Variants in FHIT observed in about 807,000 individuals in gnomAD.
FHIT encodes bis(5'-adenosyl)-triphosphatase.
A neutral mutation model predicts 17.9 loss-of-function variants in FHIT; 19 were observed. That is an observed-to-expected ratio of 1.06 (90% CI 0.74 to 1.56). FHIT has a LOEUF of 1.56. Ranked by LOEUF, FHIT falls within the 40% of genes most tolerant of loss-of-function variation. The pLI is 0.00. For missense variants in FHIT, 248 were observed against 189.2 expected, an observed-to-expected ratio of 1.31 and a Z score of -1.82; for synonymous variants, 81 against 69.7, an observed-to-expected ratio of 1.16 and a Z score of -0.81.
At chr3:59,940,482 G>T (rs1706459912) in intron 7 of FHIT, among the ~76,000 whole-genome samples, 1 of 152,140 alleles carries the variant, frequency 6.6e-6, no homozygotes, top group African/African-American at 2.4e-5. Flanking sequence ...TCCTGGGCAT[G>T]AAGAAACCCT....
chr3:60,936,108 C>T (rs1041595813), intron 3 of FHIT, among the ~76,000 whole-genome samples: 17 of 152,090 alleles, frequency 1.1e-4, no homozygotes, highest in African/African-American at 3.1e-4. Flanking sequence ...AGTCAGGGTC[C>T]CTTGTCCAAA....
chr3:60,500,381 C>T (rs1040036283), intron 5 of FHIT, among the ~76,000 whole-genome samples: 15 of 152,116 alleles, frequency 9.9e-5, no homozygotes, highest in African/African-American at 3.4e-4. Context: ...GAGTTCTGGT[C>T]CATTGTGTGT....
At chr3:60,993,447 C>A (rs569997608) in intron 3 of FHIT, among the ~76,000 whole-genome samples, 3 of 152,310 alleles carry the variant, frequency 2.0e-5, no homozygotes, top group Non-Finnish European at 4.4e-5. Flanking sequence ...CTATACCCAA[C>A]AATGTTATAC....
chr3:60,774,786 G>A (rs946093517), intron 4 of FHIT, among the ~76,000 whole-genome samples: 18 of 152,058 alleles, frequency 1.2e-4, no homozygotes, highest in African/African-American at 4.1e-4. Context: ...TGTCACTAAC[G>A]GGCAAGCAGC....
At chr3:60,105,429 C>G (rs1048410684) in intron 5 of FHIT, among the ~76,000 whole-genome samples, 20 of 152,116 alleles carry the variant, frequency 1.3e-4, no homozygotes, top group Non-Finnish European at 2.1e-4. Flanking sequence ...CAGAGAAACA[C>G]TTTTATTTCT....
At chr3:60,242,816 T>C (rs922334185) in intron 5 of FHIT, among the ~76,000 whole-genome samples, 1 of 151,998 alleles carries the variant, frequency 6.6e-6, no homozygotes, top group Non-Finnish European at 1.5e-5. Flanking sequence ...TTCTTCCTCA[T>C]ACAAACACAT....
chr3:60,906,094 AAAAT>A (rs1454443957), intron 3 of FHIT, among the ~76,000 whole-genome samples: 2 of 152,232 alleles, frequency 1.3e-5, no homozygotes, highest in Non-Finnish European at 2.9e-5. Context: ...ACAGAGGAAA[AAAAT>A]AAATTCAAAT....
At chr3:61,208,880 G>T (rs949320027) in intron 1 of FHIT, among the ~76,000 whole-genome samples, 1 of 151,912 alleles carries the variant, frequency 6.6e-6, no homozygotes, top group Admixed American at 6.6e-5. Context: ...TGGTTATTTC[G>T]CTCATTAGTT....
At chr3:60,072,287 G>C (rs907752896) in intron 5 of FHIT, among the ~76,000 whole-genome samples, 6 of 152,224 alleles carry the variant, frequency 3.9e-5, no homozygotes, top group African/African-American at 1.4e-4. Context: ...ATTTAGAATG[G>C]CTAGGAAAGA....
intron 4 of FHIT, among the ~76,000 whole-genome samples, chr3:60,559,979 A>C (rs2036879775): frequency 6.6e-6 from 1 of 152,142 alleles, no homozygotes; most frequent in African/African-American, 2.4e-5. Flanking sequence ...CAGAGCCCTA[A>C]GTTTAAACAA....
intron 4 of FHIT, among the ~76,000 whole-genome samples, chr3:60,629,015 A>C (rs2039369990): frequency 6.6e-6 from 1 of 152,102 alleles, no homozygotes; most frequent in Non-Finnish European, 1.5e-5. Context: ...CTGGGGCCTC[A>C]ATATTCTCAG....
At chr3:60,012,320 G>A (rs994705963) in intron 6 of FHIT, among the ~76,000 whole-genome samples, 1 of 145,760 alleles carries the variant, frequency 6.9e-6, no homozygotes, top group African/African-American at 2.6e-5. Flanking sequence ...CCAGGCCAGA[G>A]TATGGTGGCA....
chr3:60,806,506 T>C (rs12630519), intron 4 of FHIT, among the ~76,000 whole-genome samples: 39,492 of 152,194 alleles, frequency 0.26, 5,801 homozygotes, highest in Middle Eastern at 0.33. Context: ...ACACTATTTG[T>C]ACTGATTTGA....
chr3:61,133,525 C>T (rs1246402300), intron 2 of FHIT, among the ~76,000 whole-genome samples: 1 of 152,110 alleles, frequency 6.6e-6, no homozygotes, highest in Non-Finnish European at 1.5e-5. Context: ...GAAAAATCTT[C>T]AAGAATTCCA....
At chr3:60,195,553 A>ATATATT (rs1553709044) in intron 5 of FHIT, among the ~76,000 whole-genome samples, 1 of 136,508 alleles carries the variant, frequency 7.3e-6, no homozygotes, top group Non-Finnish European at 1.5e-5. Context: ...TGTGATATAT[A>ATATATT]TATATATTTA....
chr3:59,779,109 C>T (rs1453216932), intron 8 of FHIT, among the ~76,000 whole-genome samples: 1 of 152,138 alleles, frequency 6.6e-6, no homozygotes, highest in Non-Finnish European at 1.5e-5. Flanking sequence ...CTGACTTCAG[C>T]CAGGGAAGAA....
intron 4 of FHIT, among the ~76,000 whole-genome samples, chr3:60,704,940 T>C (rs1489814896): frequency 2.0e-5 from 3 of 152,032 alleles, no homozygotes; most frequent in African/African-American, 7.2e-5. Context: ...CTGGTGAGCT[T>C]CACATGACTG....
intron 5 of FHIT, among the ~76,000 whole-genome samples, chr3:60,327,230 TTTGAAG>T (rs1204345631): frequency 6.6e-6 from 1 of 152,120 alleles, no homozygotes; most frequent in Non-Finnish European, 1.5e-5. Flanking sequence ...AGGGAAGGGG[TTTGAAG>T]TTGTTTTGTT....
intron 4 of FHIT, among the ~76,000 whole-genome samples, chr3:60,658,961 CTT>C (rs34800096): frequency 1.2e-4 from 16 of 138,136 alleles, no homozygotes; most frequent in Admixed American, 3.7e-4. Flanking sequence ...ACTTCCTCAG[CTT>C]TTTTTTTTTT....
Sources: allele counts gnomAD v4.1 joint callset (sites outside exome capture counted in the v4.1 genomes callset), GRCh38; gene constraint gnomAD v4.1.1; transcripts MANE v1.5; gene names NCBI Gene and HGNC (gene_info 2026-07-23, HGNC 2026-07-21).